Variants in PAWR observed in about 807,000 individuals in gnomAD.
PAWR encodes pro-apoptotic WT1 regulator.
A neutral mutation model predicts 32.0 loss-of-function variants in PAWR; 23 were observed. The ratio of observed to expected loss-of-function variants is 0.72; its 90% CI spans 0.52 to 1.02. The LOEUF (loss-of-function observed/expected upper bound fraction) is 1.02. PAWR is among the 50% of genes least tolerant of loss of function. The pLI, the probability that PAWR is intolerant of heterozygous loss-of-function variation, is 0.00. For missense variants in PAWR, 457 were observed against 437.7 expected (o/e 1.04, Z -0.39); for synonymous variants, 226 against 187.1 (o/e 1.21, Z -1.70).
chr12:79,676,413 A>G (rs1878169274), intron 2 of PAWR, among the ~76,000 whole-genome samples: 1 of 152,090 alleles, frequency 6.6e-6, no homozygotes, highest in Non-Finnish European at 1.5e-5. Context: ...ATGTACTCCA[A>G]CTGAAGACAC....
chr12:79,618,282 C>A (rs942866717), intron 3 of PAWR, among the ~76,000 whole-genome samples: 1 of 152,058 alleles, frequency 6.6e-6, no homozygotes, highest in African/African-American at 2.4e-5. Flanking sequence ...GTGAACACCA[C>A]CATGCTCAGC....
At chr12:79,647,218 T>C (rs1876620299) in intron 2 of PAWR, among the ~76,000 whole-genome samples, 1 of 151,050 alleles carries the variant, frequency 6.6e-6, no homozygotes, top group Non-Finnish European at 1.5e-5. Flanking sequence ...CAGTAGTATG[T>C]GAATGTCTAA....
intron 2 of PAWR, among the ~76,000 whole-genome samples, chr12:79,651,636 G>C (rs1876850266): frequency 6.7e-6 from 1 of 150,042 alleles, no homozygotes. Context: ...TAATTATCTG[G>C]AGGCTAAGTG....
At chr12:79,627,350 G>A (rs1364719474) in intron 2 of PAWR, among the ~76,000 whole-genome samples, 1 of 152,174 alleles carries the variant, frequency 6.6e-6, no homozygotes, top group Non-Finnish European at 1.5e-5. Flanking sequence ...GTGATGATGA[G>A]CATTTTTTCA....
chr12:79,676,749 G>A (rs1168271819), intron 2 of PAWR, among the ~76,000 whole-genome samples: 1 of 151,534 alleles, frequency 6.6e-6, no homozygotes, highest in African/African-American at 2.4e-5. Context: ...CCTAACATAA[G>A]CCCTCTACCC....
chr12:79,664,429 C>T (rs1439593928), intron 2 of PAWR, among the ~76,000 whole-genome samples: 1 of 152,172 alleles, frequency 6.6e-6, no homozygotes, highest in South Asian at 2.1e-4. Flanking sequence ...TCATGCCATG[C>T]TTCCAGATCA....
At chr12:79,626,992 T>C (rs1394105500) in intron 2 of PAWR, among the ~76,000 whole-genome samples, 2 of 152,216 alleles carry the variant, frequency 1.3e-5, no homozygotes, top group Non-Finnish European at 2.9e-5. Flanking sequence ...TCTATCGTTG[T>C]TGGATATTTA....
At chr12:79,622,450 C>T (rs1875070274) in intron 2 of PAWR, among the ~76,000 whole-genome samples, 1 of 152,092 alleles carries the variant, frequency 6.6e-6, no homozygotes, top group Admixed American at 6.5e-5. Flanking sequence ...AACGCTATCC[C>T]TCCCCTCTCC....
intron 2 of PAWR, among the ~76,000 whole-genome samples, chr12:79,645,663 T>C (rs911567497): frequency 6.6e-6 from 1 of 152,178 alleles, no homozygotes. Flanking sequence ...AGGAAAAACA[T>C]CCAGTGTTAT....
chr12:79,659,329 A>C (rs147010386), intron 2 of PAWR, among the ~76,000 whole-genome samples: 79 of 152,258 alleles, frequency 5.2e-4, no homozygotes, highest in African/African-American at 1.8e-3. Context: ...CAAGCTAAAA[A>C]AATATCCCTG....
At chr12:79,657,786 T>G (rs866190295) in intron 2 of PAWR, among the ~76,000 whole-genome samples, 1 of 149,620 alleles carries the variant, frequency 6.7e-6, no homozygotes, top group South Asian at 2.1e-4. Flanking sequence ...AGAGCGAGAC[T>G]CCGTCTCAAA....
At chr12:79,623,808 A>G (rs1875148081) in intron 2 of PAWR, among the ~76,000 whole-genome samples, 1 of 152,164 alleles carries the variant, frequency 6.6e-6, no homozygotes, top group African/African-American at 2.4e-5. Flanking sequence ...CAAAAAAATT[A>G]CTTTTTTAAA....
intron 3 of PAWR, among the ~76,000 whole-genome samples, chr12:79,619,158 C>T (rs772973688): frequency 6.6e-5 from 10 of 151,974 alleles, no homozygotes; most frequent in Non-Finnish European, 1.2e-4. Context: ...CATGATGAAA[C>T]TTGGTGCTGT....
At chr12:79,628,831 AC>A (rs905531393) in intron 2 of PAWR, among the ~76,000 whole-genome samples, 3 of 152,154 alleles carry the variant, frequency 2.0e-5, no homozygotes, top group Non-Finnish European at 2.9e-5. Context: ...GATATTTATA[AC>A]ACATGGAAAG....
At chr12:79,607,497 G>T (rs1315720789) in intron 4 of PAWR, among the ~76,000 whole-genome samples, 1 of 152,056 alleles carries the variant, frequency 6.6e-6, no homozygotes, top group African/African-American at 2.4e-5. Flanking sequence ...GGGAGGCCAA[G>T]ACAGGCAGAT....
intron 2 of PAWR, among the ~76,000 whole-genome samples, chr12:79,685,478 T>A (rs1878639894): frequency 6.6e-6 from 1 of 152,214 alleles, no homozygotes; most frequent in South Asian, 2.1e-4. Flanking sequence ...CACTTAAAAG[T>A]GCTTTCTATA....
Position 79,690,296 on chromosome 12 carries a change from C to T in PAWR, c.-52G>A. The T allele has an allele frequency of 7.2e-7, 1 of 1,390,308 alleles. No homozygotes were observed. Among genetic ancestry groups the T allele is most frequent in the East Asian group, 3.1e-5 (1 of 32,646 alleles). 86.1% of individuals were successfully genotyped at this position (1,390,308 alleles called of 1,614,324 possible). ...CACCTCAGGCCGCCCACCAGGGCTC[C>T]GGCCGCTGCCTCCTCTTCCTTCCTG... On this transcript the variant is annotated 5_prime_UTR_variant, in exon 2 of 7. Transcript: ENST00000328827.
At chr12:79,624,742 C>T (rs1373861287) in intron 2 of PAWR, among the ~76,000 whole-genome samples, 1 of 152,146 alleles carries the variant, frequency 6.6e-6, no homozygotes, top group Non-Finnish European at 1.5e-5. Flanking sequence ...ATCTGCCATA[C>T]TTAAGAGAAG....
At chr12:79,678,444 G>A (rs1392058390) in intron 2 of PAWR, among the ~76,000 whole-genome samples, 1 of 152,206 alleles carries the variant, frequency 6.6e-6, no homozygotes, top group African/African-American at 2.4e-5. Context: ...AACATATCCT[G>A]CTTATTTCCA....
Sources: allele counts gnomAD v4.1 joint callset (sites outside exome capture counted in the v4.1 genomes callset), GRCh38; gene constraint gnomAD v4.1.1; transcripts MANE v1.5; gene names NCBI Gene and HGNC (gene_info 2026-07-23, HGNC 2026-07-21).